Variants in PPARGC1A observed in about 807,000 individuals in gnomAD.
PPARGC1A encodes peroxisome proliferator-activated receptor gamma coactivator 1-alpha.
In PPARGC1A, 25 loss-of-function variants were observed where a neutral mutation model predicts 88.7. The observed-to-expected ratio is 0.28, with a 90% CI of 0.21 to 0.39. The LOEUF is 0.39. PPARGC1A is among the 10% of genes least tolerant of loss of function. The probability of loss-of-function intolerance (pLI) is 1.00; values close to 1 mark genes in which losing one functional copy is unlikely to be tolerated. For missense variants in PPARGC1A, 880 were observed against 968.7 expected (o/e 0.91, Z 1.22); for synonymous variants, 363 against 355.6 (o/e 1.02, Z -0.24).
At chr4:23,875,541 G>C (rs1049703669) in intron 2 of PPARGC1A, among the ~76,000 whole-genome samples, 5 of 151,346 alleles carry the variant, frequency 3.3e-5, no homozygotes, top group African/African-American at 9.7e-5. Flanking sequence ...ATTTCTCAGG[G>C]ACCTTGGCGG....
intron 2 of PPARGC1A, among the ~76,000 whole-genome samples, chr4:23,853,420 C>T (rs1729658413): frequency 6.6e-6 from 1 of 151,306 alleles, no homozygotes; most frequent in South Asian, 2.1e-4. Flanking sequence ...TCCTAAGTTA[C>T]ATCTGCTATG....
the PPARGC1A span, among the ~76,000 whole-genome samples, chr4:24,234,884 A>G: frequency 6.6e-6 from 1 of 152,234 alleles, no homozygotes. Context: ...TTTTTAGGAT[A>G]GTCCTCTATT....
rs11354781 is a variant in PPARGC1A at position 23,877,537 on chromosome 4, C to CA, written c.234+7214dup. Among the ~76,000 whole-genome samples the CA allele has an allele frequency of 4.8e-3, 241 of 49,860 alleles. 20 individuals are homozygous for CA. The highest frequency in any genetic ancestry group is 0.014 in the African/African-American group (145 of 10,470). 32.7% of individuals were successfully genotyped at this position (49,860 alleles called of 152,430 possible). ...TGGGCGACAGAGCGAGACTCCATCT[C>CA]AAAAAAAAAAAAAAAAAAAAAAAAA... On this transcript the variant is annotated intron_variant, in intron 2 of 12. Transcript: ENST00000264867.
chr4:24,233,375 CTT>C, the PPARGC1A span, among the ~76,000 whole-genome samples: 1 of 152,090 alleles, frequency 6.6e-6, no homozygotes, highest in African/African-American at 2.4e-5. Flanking sequence ...CTCTCTCTCT[CTT>C]TTCTCATCTT....
At chr4:24,283,570 T>C in the PPARGC1A span, among the ~76,000 whole-genome samples, 1 of 152,154 alleles carries the variant, frequency 6.6e-6, no homozygotes, top group African/African-American at 2.4e-5. Flanking sequence ...CTTTAGAAAG[T>C]AGACCAATAA....
At chr4:24,105,493 G>T in the PPARGC1A span, among the ~76,000 whole-genome samples, 1 of 152,166 alleles carries the variant, frequency 6.6e-6, no homozygotes, top group African/African-American at 2.4e-5. Flanking sequence ...AAATAGTCCA[G>T]TGTTTCTCAA....
At chr4:24,295,386 T>A in the PPARGC1A span, among the ~76,000 whole-genome samples, 1 of 152,082 alleles carries the variant, frequency 6.6e-6, no homozygotes, top group East Asian at 1.9e-4. Flanking sequence ...ATAAATAGGA[T>A]GAGTTAATGC....
intron 12 of PPARGC1A, among the ~76,000 whole-genome samples, chr4:23,801,272 CATG>C (rs1718671380): frequency 6.6e-6 from 1 of 151,918 alleles, no homozygotes; most frequent in Admixed American, 6.6e-5. Context: ...CACAAAGACA[CATG>C]ATAGCCACAC....
chr4:24,238,745 A>ATGTGTGTGTGTGTGTGTGTG, the PPARGC1A span, among the ~76,000 whole-genome samples: 2 of 121,808 alleles, frequency 1.6e-5, 1 homozygote, highest in African/African-American at 5.9e-5. Context: ...AAGGTTGTAT[A>ATGTGTGTGTGTGTGTGTGTG]TGTGTGTGTG....
chr4:24,064,091 G>C, the PPARGC1A span, among the ~76,000 whole-genome samples: 2 of 152,158 alleles, frequency 1.3e-5, no homozygotes, highest in Non-Finnish European at 2.9e-5. Flanking sequence ...CCCAGAAGAG[G>C]CTTTCCAGGG....
chr4:24,193,871 G>A, the PPARGC1A span, among the ~76,000 whole-genome samples: 2 of 152,160 alleles, frequency 1.3e-5, no homozygotes, highest in South Asian at 2.1e-4. Context: ...GCTCATGCCT[G>A]TAATCCCAGC....
the PPARGC1A span, among the ~76,000 whole-genome samples, chr4:23,937,675 T>C: frequency 1.3e-5 from 2 of 152,184 alleles, no homozygotes; most frequent in Non-Finnish European, 1.5e-5. Context: ...TTTTCAATCA[T>C]TGAACATAAA....
At chr4:23,985,401 A>G in the PPARGC1A span, among the ~76,000 whole-genome samples, 2 of 152,082 alleles carry the variant, frequency 1.3e-5, no homozygotes, top group South Asian at 4.2e-4. Flanking sequence ...AGCACTGTCC[A>G]ATGTACAGAG....
the PPARGC1A span, among the ~76,000 whole-genome samples, chr4:24,036,060 G>C: frequency 2.0e-5 from 3 of 152,280 alleles, no homozygotes; most frequent in African/African-American, 7.2e-5. Flanking sequence ...ACGCTGACTA[G>C]CTGCATAACC....
At chr4:24,103,105 A>G in the PPARGC1A span, among the ~76,000 whole-genome samples, 1 of 152,184 alleles carries the variant, frequency 6.6e-6, no homozygotes, top group African/African-American at 2.4e-5. Context: ...TCAATGTTTA[A>G]AACAATTCTG....
chr4:24,175,720 CTTTTTTTAT>C, the PPARGC1A span, among the ~76,000 whole-genome samples: 1 of 151,338 alleles, frequency 6.6e-6, no homozygotes, highest in African/African-American at 2.4e-5. Flanking sequence ...TTTGTTGCTT[CTTTTTTTAT>C]TTTTATACAT....
the PPARGC1A span, among the ~76,000 whole-genome samples, chr4:24,029,219 T>C: frequency 2.0e-5 from 3 of 152,222 alleles, no homozygotes; most frequent in South Asian, 2.1e-4. Flanking sequence ...TCATGATCTA[T>C]TGGGAGAAAC....
At chr4:24,085,411 A>T in the PPARGC1A span, among the ~76,000 whole-genome samples, 1 of 152,194 alleles carries the variant, frequency 6.6e-6, no homozygotes, top group Non-Finnish European at 1.5e-5. Context: ...TTTTCATCTT[A>T]TAGAGGCAGA....
At chr4:23,936,551 A>T in the PPARGC1A span, among the ~76,000 whole-genome samples, 1 of 152,156 alleles carries the variant, frequency 6.6e-6, no homozygotes, top group South Asian at 2.1e-4. Context: ...AGCCTGGGGA[A>T]CATGGACAAA....
Sources: gnomAD v4.1 joint callset for allele counts (sites outside exome capture counted in the v4.1 genomes callset) on GRCh38, gnomAD v4.1.1 for gene constraint, MANE v1.5 for transcripts, NCBI Gene and HGNC (gene_info 2026-07-23, HGNC 2026-07-21) for gene names.